Variants in SRRM3 observed in about 807,000 individuals in gnomAD.
SRRM3 encodes serine/arginine repetitive matrix 3, also known as serine/arginine repetitive matrix protein 3.
A neutral mutation model predicts 66.2 loss-of-function variants in SRRM3; 27 were observed. That is an observed-to-expected ratio of 0.41 (90% CI 0.30 to 0.56). The LOEUF is 0.56. Among genes scored for constraint, SRRM3 ranks in the 20% least tolerant of loss-of-function variants. The pLI is 0.32. For synonymous variants in SRRM3, 391 were observed against 414.9 expected (o/e 0.94, Z 0.70); for missense variants, 918 against 991.9 (o/e 0.93, Z 1.00).
At chr7:76,246,513 G>A (rs1162021080) in intron 2 of SRRM3, among the ~76,000 whole-genome samples, 1 of 152,036 alleles carries the variant, frequency 6.6e-6, no homozygotes, top group Non-Finnish European at 1.5e-5. Flanking sequence ...GCAGTGAGCT[G>A]AGATCGCACC....
chr7:76,269,727 GTTGTT>G (rs1802161837), intron 11 of SRRM3: 1 of 145,800 alleles, frequency 6.9e-6, no homozygotes. Context: ...AACTTTTTCT[GTTGTT>G]TTGTTTTTAT....
chr7:76,230,391 C>T (rs6954252), intron 1 of SRRM3, among the ~76,000 whole-genome samples: 3 of 151,940 alleles, frequency 2.0e-5, no homozygotes, highest in South Asian at 2.1e-4. Context: ...GACTCATGCC[C>T]GTAATCCCAA....
At chr7:76,282,627 C>T (rs1429453858) in intron 12 of SRRM3, 21 bp from the exon 13 acceptor site, 60 of 1,399,466 alleles carry the variant, frequency 4.3e-5, no homozygotes, top group Admixed American at 2.3e-4. Context: ...AGCCCTATCC[C>T]GCGCCGTCTC....
rs782446074 is a variant in SRRM3 at position 76,267,343 on chromosome 7, A to G, written c.916A>G (p.Ser306Gly). 2.5e-5 allele frequency: 38 copies of G among 1,528,848 alleles called. No homozygotes were observed. The South Asian group carries it at 4.3e-4, about 17-fold the overall frequency. 94.7% of individuals were successfully genotyped at this position (1,528,848 alleles called of 1,614,324 possible). The change falls in exon 11 of 15, where the codon AGC (serine) becomes GGC (glycine). Residue 306 changes from serine to glycine, a missense_variant. Physicochemically the swap from Ser to Gly is moderately conservative, Grantham distance 56. Transcript: ENST00000611745. ...CCGGTCGCCTTCCCCGTCGGGCGGC[A>G]GCGGATGGGGGTCGCCCCAGCGGAA... ...GSRSPSPSGG[S>G]GWGSPQRNGG...
intron 11 of SRRM3, among the ~76,000 whole-genome samples, chr7:76,270,895 A>AGGCCTGCAGTTCC (rs1802193795): frequency 6.6e-6 from 1 of 151,620 alleles, no homozygotes. Flanking sequence ...GGATCGCTTG[A>AGGCCTGCAGTTCC]ACCCAGGAGG....
chr7:76,227,083 T>C (rs1424522830), intron 1 of SRRM3, among the ~76,000 whole-genome samples: 1 of 141,150 alleles, frequency 7.1e-6, no homozygotes, highest in Non-Finnish European at 1.5e-5. Flanking sequence ...AGTGGTAGGG[T>C]AAAGACTTCC....
intron 11 of SRRM3, among the ~76,000 whole-genome samples, chr7:76,277,746 G>GAAAGAAAAAAGAAAA (rs1554611345): frequency 0.44 from 45,745 of 102,846 alleles, 11,685 homozygotes; most frequent in Non-Finnish European, 0.57. Flanking sequence ...GAGAGAGAGA[G>GAAAGAAAAAAGAAAA]AAAGAAAGAA....
At chr7:76,249,695 T>G (rs987782222) in intron 3 of SRRM3, among the ~76,000 whole-genome samples, 1 of 152,148 alleles carries the variant, frequency 6.6e-6, no homozygotes, top group Non-Finnish European at 1.5e-5. Flanking sequence ...AGATGAGCCT[T>G]CCCCTTGTTC....
chr7:76,236,028 A>G (rs1207740146), intron 2 of SRRM3, among the ~76,000 whole-genome samples: 2 of 141,100 alleles, frequency 1.4e-5, no homozygotes, highest in Non-Finnish European at 3.0e-5. Context: ...AAAAAAAAAA[A>G]AAGGCCGGGC....
intron 1 of SRRM3, among the ~76,000 whole-genome samples, chr7:76,211,830 A>G (rs189692300): frequency 1.4e-5 from 2 of 139,462 alleles, no homozygotes; most frequent in African/African-American, 6.0e-5. Context: ...TATTATTATT[A>G]TTATTATTAT....
At chr7:76,246,840 C>T (rs1801455737) in intron 2 of SRRM3, among the ~76,000 whole-genome samples, 1 of 152,190 alleles carries the variant, frequency 6.6e-6, no homozygotes, top group South Asian at 2.1e-4. Flanking sequence ...AAAGGAGAGC[C>T]CCAAGAGTGC....
chr7:76,269,560 A>G (rs1328106823), intron 11 of SRRM3: 3 of 151,908 alleles, frequency 2.0e-5, no homozygotes, highest in African/African-American at 7.2e-5. Flanking sequence ...AAAAGAAAAA[A>G]AGAGAGAGAG....
intron 3 of SRRM3, among the ~76,000 whole-genome samples, chr7:76,258,317 G>C (rs575963376): frequency 6.6e-6 from 1 of 152,324 alleles, no homozygotes; most frequent in African/African-American, 2.4e-5. Flanking sequence ...CTCAGCCAGC[G>C]GGAGGGGGCT....
chr7:76,215,394 GTTT>G (rs1170079332), intron 1 of SRRM3, among the ~76,000 whole-genome samples: 54 of 95,120 alleles, frequency 5.7e-4, no homozygotes, highest in Middle Eastern at 6.0e-3. Context: ...GGAGCCCGCA[GTTT>G]TTTTTTTTTT....
chr7:76,257,621 T>C (rs1407923437), intron 3 of SRRM3, among the ~76,000 whole-genome samples: 2 of 151,438 alleles, frequency 1.3e-5, no homozygotes, highest in East Asian at 3.9e-4. Flanking sequence ...AAGTTTTTTT[T>C]AATTAGTTGG....
chr7:76,268,942 A>G (rs1162538724), intron 11 of SRRM3: 1 of 152,240 alleles, frequency 6.6e-6, no homozygotes, highest in Non-Finnish European at 1.5e-5. Context: ...CCTTCTTGCC[A>G]GCTTCTCATC....
intron 11 of SRRM3, chr7:76,269,900 T>C (rs1269835485): frequency 6.6e-6 from 1 of 151,998 alleles, no homozygotes; most frequent in Non-Finnish European, 1.5e-5. Context: ...GCTTTTGAAT[T>C]TTAAGTGAAC....
At chr7:76,210,928 G>A (rs563160866) in intron 1 of SRRM3, among the ~76,000 whole-genome samples, 35 of 152,032 alleles carry the variant, frequency 2.3e-4, no homozygotes, top group Admixed American at 4.6e-4. Context: ...TCAGCCTCCC[G>A]AGTAGCTGGG....
At chr7:76,280,344 T>C (rs1802460421) in intron 11 of SRRM3, among the ~76,000 whole-genome samples, 1 of 152,108 alleles carries the variant, frequency 6.6e-6, no homozygotes, top group Non-Finnish European at 1.5e-5. Context: ...GGTTCAGTTT[T>C]GAGTTCAGTT....
Sources: gnomAD v4.1 joint callset for allele counts (sites outside exome capture counted in the v4.1 genomes callset) on GRCh38, gnomAD v4.1.1 for gene constraint, MANE v1.5 for transcripts, NCBI Gene and HGNC (gene_info 2026-07-23, HGNC 2026-07-21) for gene names.